VSIG4: variants seen among roughly 807,000 people sequenced by gnomAD.
VSIG4 encodes V-set and immunoglobulin domain-containing protein 4.
In VSIG4, 34 loss-of-function variants were observed where a neutral mutation model predicts 23.4. That is an observed-to-expected ratio of 1.45 (90% confidence interval 1.10 to 1.93). The LOEUF (loss-of-function observed/expected upper bound fraction) is 1.93, where lower values mean the gene tolerates loss of function less well. Among genes scored for constraint, VSIG4 ranks in the 30% most tolerant of loss-of-function variants. The pLI is 0.00. For missense variants in VSIG4, 433 were observed against 310.8 expected, an observed-to-expected ratio of 1.39 and a Z score of -2.96; for synonymous variants, 169 against 120.3, an observed-to-expected ratio of 1.41 and a Z score of -2.65.
At position 66,032,514 on chromosome X, in the gene VSIG4, C is replaced by T; in HGVS notation, c.648G>A (p.Gln216=). 1.7e-6 allele frequency: 2 copies of T among 1,212,019 alleles called. No individual in the cohort carries two copies. The highest frequency in any genetic ancestry group is 2.2e-6 in the Non-Finnish European group (2 of 895,544). The change falls in exon 3 of 8, where the codon CAG becomes CAA. Residue 216 remains glutamine, a synonymous_variant. Coordinates refer to ENST00000374737, the MANE Select transcript of VSIG4 (RefSeq NM_007268.3). ...SGSYFCTAKG[Q]VGSEQHSDIV... is the part of the protein sequence containing the mutation. ...TGTCGCTGTGCTGCTCAGAGCCAAC[C>T]TGGCCCTTGGCAGTGCAGAAATAGG...
chrX:66,033,059 T>A (rs1405734792), intron 2 of VSIG4, among the ~76,000 whole-genome samples: 1 of 111,728 alleles, frequency 9.0e-6, no homozygotes, highest in African/African-American at 3.3e-5. Context: ...TTGTGGATTA[T>A]CAGGGCCAGA....
At chrX:66,035,869 C>A (rs758385540) in intron 1 of VSIG4, among the ~76,000 whole-genome samples, 1 of 112,460 alleles carries the variant, frequency 8.9e-6, no homozygotes, top group East Asian at 2.8e-4. Context: ...GTTGAAAATG[C>A]CTTTGTCTAT....
intron 3 of VSIG4, 36 bp downstream of exon 3, chrX:66,032,432 G>A: frequency 8.4e-7 from 1 of 1,189,812 alleles, no homozygotes; most frequent in Non-Finnish European, 1.1e-6. Flanking sequence ...TCAAGCTTGT[G>A]TGTTAAGATG....
chrX:66,039,427 A>G (rs1419915770), intron 1 of VSIG4, among the ~76,000 whole-genome samples: 1 of 111,973 alleles, frequency 8.9e-6, no homozygotes, highest in South Asian at 3.7e-4. Context: ...TGGTCTGGGG[A>G]GGTAGTGAAC....
chrX:66,031,915 C>T (rs1010378311), intron 3 of VSIG4, among the ~76,000 whole-genome samples: 1 of 111,593 alleles, frequency 9.0e-6, no homozygotes, highest in Non-Finnish European at 1.9e-5. Context: ...TAGATCAAGC[C>T]TAATCAAACA....
At chrX:66,034,773 G>T (rs867231168) in intron 1 of VSIG4, among the ~76,000 whole-genome samples, 3 of 45,956 alleles carry the variant, frequency 6.5e-5, no homozygotes, top group Non-Finnish European at 9.0e-5. Flanking sequence ...GGATGGGGGT[G>T]GGGGTGGGGA....
At chrX:66,031,225 T>A (rs2085460017) in intron 3 of VSIG4, among the ~76,000 whole-genome samples, 2 of 111,342 alleles carry the variant, frequency 1.8e-5, no homozygotes, top group Admixed American at 1.9e-4. Context: ...GTCTGAGAAG[T>A]AACTCACAGA....
Position 66,033,648 on chromosome X carries a change from C to A in VSIG4, c.238G>T (p.Ala80Ser), listed in dbSNP as rs2085492741. The A allele has an allele frequency of 1.7e-6, 2 of 1,211,356 alleles. No homozygotes were observed. The highest frequency in any genetic ancestry group is 2.2e-6 in the Non-Finnish European group (2 of 895,370). ...ACATGCAGGCGGCCCTGGTACTTTG[C>A]CTGCTGGATATGGTCTCCAGAAGAG... ...RDSSGDHIQQAKYQGRLHVSH... is the reference protein window; with the variant it reads ...RDSSGDHIQQSKYQGRLHVSH... Residue 80 changes from alanine to serine, a missense_variant, in exon 2 of 8, where the codon GCA becomes TCA. Physicochemically the swap from Ala to Ser is moderately conservative, Grantham distance 99. Transcript: ENST00000374737.
In VSIG4 at chrX:66,032,746, GA is replaced by G; in HGVS notation, c.415del (p.Ser139LeufsTer7). 8.3e-7 allele frequency: 1 copy of G among 1,209,446 alleles called. No individual in the cohort carries two copies. The highest frequency in any genetic ancestry group is 1.1e-6 in the Non-Finnish European group (1 of 894,425). On this transcript the variant is annotated frameshift_variant and splice_region_variant, in exon 3 of 8. Transcript: ENST00000374737. LOFTEE classifies it high-confidence loss of function. Reference sequence around the variant, plus strand: ...AGTTGTCACTGTGGGCTTGGAGACAGAGACTGCAAAGAAAAGACAAGACAGG... The same window carrying G: ...AGTTGTCACTGTGGGCTTGGAGACAGGACTGCAAAGAAAAGACAAGACAGG... ...KITELRVQKL[S>X]VSKPTVTTGS...
At chrX:66,036,578 A>G (rs1336891403) in intron 1 of VSIG4, among the ~76,000 whole-genome samples, 4 of 91,250 alleles carry the variant, frequency 4.4e-5, no homozygotes, top group Admixed American at 1.5e-4. Flanking sequence ...GGAAGTAATA[A>G]TAAAGGAAGT....
At chrX:66,032,900 G>C in intron 2 of VSIG4, 151 bp from the exon 3 acceptor site, 1 of 608,504 alleles carries the variant, frequency 1.6e-6, no homozygotes, top group Non-Finnish European at 2.4e-6. Flanking sequence ...AAGAAGGAAA[G>C]GGCAATACAA....
intron 3 of VSIG4, among the ~76,000 whole-genome samples, chrX:66,030,043 G>GA (rs2085446281): frequency 9.0e-6 from 1 of 111,721 alleles, no homozygotes; most frequent in East Asian, 2.8e-4. Flanking sequence ...AGGAGTGAAT[G>GA]AAAAAAGAGC....
At chrX:66,039,481 A>G (rs981529767) in intron 1 of VSIG4, among the ~76,000 whole-genome samples, 1 of 111,922 alleles carries the variant, frequency 8.9e-6, no homozygotes, top group Non-Finnish European at 1.9e-5. Flanking sequence ...GCACTTATTC[A>G]TGACAATGAA....
At chrX:66,027,876 A>G (rs967859512) in intron 4 of VSIG4, among the ~76,000 whole-genome samples, 174 bp downstream of exon 4, 6 of 112,288 alleles carry the variant, frequency 5.3e-5, no homozygotes, top group African/African-American at 1.6e-4. Context: ...ACAAAAAAAG[A>G]GTATATATTC....
intron 6 of VSIG4, among the ~76,000 whole-genome samples, chrX:66,024,397 C>G (rs1275094528): frequency 1.8e-5 from 2 of 111,766 alleles, no homozygotes; most frequent in African/African-American, 6.5e-5. Context: ...CTTTCATTTC[C>G]CACTGTACTT....
At chrX:66,033,204 G>C (rs149798687) in intron 2 of VSIG4, among the ~76,000 whole-genome samples, 2 of 110,855 alleles carry the variant, frequency 1.8e-5, no homozygotes, top group Non-Finnish European at 1.9e-5. Flanking sequence ...AGCCCAAGGA[G>C]GGTAACTAGT....
At chrX:66,031,429 T>C (rs1037551019) in intron 3 of VSIG4, among the ~76,000 whole-genome samples, 1 of 109,482 alleles carries the variant, frequency 9.1e-6, no homozygotes, top group Non-Finnish European at 1.9e-5. Flanking sequence ...ACATCCTCAC[T>C]ACAGCTTAAC....
rs1032306095 is a variant in VSIG4 at position 66,022,166 on chromosome X, G to A, written c.*97C>T. The A allele has an allele frequency of 8.3e-7, 1 of 1,206,459 alleles. No individual in the cohort carries two copies. The highest frequency in any genetic ancestry group is 2.2e-5 in the Admixed American group (1 of 45,442). On this transcript the variant is annotated 3_prime_UTR_variant, in exon 8 of 8. Transcript: ENST00000374737. Reference sequence around the variant, plus strand: ...CAGTGTTGGTAGGCGGACACTTTGGGCTATCCAGGAAGAGAGGTAGCAGGG... The same window carrying A: ...CAGTGTTGGTAGGCGGACACTTTGGACTATCCAGGAAGAGAGGTAGCAGGG...
At chrX:66,031,401 C>A (rs1006524653) in intron 3 of VSIG4, among the ~76,000 whole-genome samples, 15 of 109,799 alleles carry the variant, frequency 1.4e-4, no homozygotes, top group African/African-American at 5.0e-4. Context: ...AACTAACAAA[C>A]CATGATCTAC....
Sources: gnomAD v4.1 joint callset for allele counts (sites outside exome capture counted in the v4.1 genomes callset) on GRCh38, gnomAD v4.1.1 for gene constraint, MANE v1.5 for transcripts, NCBI Gene and HGNC (gene_info 2026-07-23, HGNC 2026-07-21) for gene names.